The following DLGAP1 variants were observed in gnomAD, a reference collection of about 807,000 sequenced individuals.
DLGAP1 encodes disks large-associated protein 1.
A neutral mutation model predicts 90.8 loss-of-function variants in DLGAP1; 11 were observed. That is an observed-to-expected ratio of 0.12 (90% CI 0.08 to 0.20). The LOEUF (loss-of-function observed/expected upper bound fraction) is 0.20. DLGAP1 is among the 10% of genes least tolerant of loss of function. The pLI is 1.00. For synonymous variants in DLGAP1, 558 were observed against 540.7 expected, an observed-to-expected ratio of 1.03 and a Z score of -0.44; for missense variants, 1,050 against 1,333.8, an observed-to-expected ratio of 0.79 and a Z score of 3.31.
chr18:4,388,267 G>A (rs1017589676), intron 1 of DLGAP1, among the ~76,000 whole-genome samples: 1 of 152,032 alleles, frequency 6.6e-6, no homozygotes, highest in Non-Finnish European at 1.5e-5. Context: ...TGACACTCAA[G>A]TTTCTGATTA....
At chr18:3,741,067 CCACCACCACCACCATCACCAT>C (rs2062931515) in intron 6 of DLGAP1, among the ~76,000 whole-genome samples, 10 of 108,628 alleles carry the variant, frequency 9.2e-5, no homozygotes, top group East Asian at 2.6e-4. Context: ...ATCACCACCA[CCACCACCACCACCATCACCAT>C]CACCACCACC....
chr18:3,758,260 C>T (rs924565096), intron 5 of DLGAP1, among the ~76,000 whole-genome samples: 2 of 152,038 alleles, frequency 1.3e-5, no homozygotes, highest in South Asian at 4.2e-4. Flanking sequence ...CAAACCTGAC[C>T]AATGAAATCT....
At chr18:3,897,330 T>C (rs2071650879) in intron 3 of DLGAP1, among the ~76,000 whole-genome samples, 1 of 152,322 alleles carries the variant, frequency 6.6e-6, no homozygotes, top group African/African-American at 2.4e-5. Context: ...AACCTTGATA[T>C]AGAAGGGAGC....
chr18:4,024,027 G>A (rs960838889), intron 2 of DLGAP1, among the ~76,000 whole-genome samples: 8 of 151,884 alleles, frequency 5.3e-5, no homozygotes, highest in African/African-American at 1.7e-4. Flanking sequence ...ATTGACTTGA[G>A]GTTTCTGGTC....
chr18:4,178,200 TAAAC>T (rs2077145861), intron 1 of DLGAP1, among the ~76,000 whole-genome samples: 1 of 106,836 alleles, frequency 9.4e-6, no homozygotes, highest in Non-Finnish European at 1.8e-5. Context: ...GGTCCTGGAA[TAAAC>T]ACACACACAC....
At chr18:4,228,131 T>G (rs2078230515) in intron 1 of DLGAP1, among the ~76,000 whole-genome samples, 1 of 150,776 alleles carries the variant, frequency 6.6e-6, no homozygotes, top group South Asian at 2.1e-4. Flanking sequence ...CCTAGTGAGA[T>G]GAAGCCTACC....
At chr18:3,703,552 G>C (rs1229050018) in intron 7 of DLGAP1, among the ~76,000 whole-genome samples, 1 of 152,258 alleles carries the variant, frequency 6.6e-6, no homozygotes, top group Admixed American at 6.5e-5. Context: ...GTTCAGAGGA[G>C]AGCGAGTGGC....
chr18:3,927,667 G>C (rs1194456077), intron 3 of DLGAP1, among the ~76,000 whole-genome samples: 1 of 152,186 alleles, frequency 6.6e-6, no homozygotes, highest in African/African-American at 2.4e-5. Flanking sequence ...GTAGAGTAAA[G>C]AAGTCATGTT....
chr18:4,346,639 C>A (rs911685585), intron 1 of DLGAP1, among the ~76,000 whole-genome samples: 1 of 152,170 alleles, frequency 6.6e-6, no homozygotes, highest in Non-Finnish European at 1.5e-5. Context: ...ACTTAAGACA[C>A]ATCTGTCTGA....
At chr18:3,978,334 G>A (rs767392943) in intron 3 of DLGAP1, 26 of 363,978 alleles carry the variant, frequency 7.1e-5, no homozygotes, top group Admixed American at 1.2e-4. Flanking sequence ...ACTCCACAAC[G>A]TACTCAGTGC....
At chr18:3,861,443 G>A (rs1473007126) in intron 4 of DLGAP1, among the ~76,000 whole-genome samples, 1 of 152,168 alleles carries the variant, frequency 6.6e-6, no homozygotes. Flanking sequence ...CTGGGCACAT[G>A]ATAAAGGCTA....
intron 9 of DLGAP1, among the ~76,000 whole-genome samples, chr18:3,563,003 T>G (rs184893467): frequency 2.4e-4 from 36 of 152,096 alleles, no homozygotes; most frequent in African/African-American, 8.4e-4. Flanking sequence ...CTTTTTGTAT[T>G]TTTTGTAGAG....
chr18:3,677,290 G>C (rs1375850337), intron 7 of DLGAP1, among the ~76,000 whole-genome samples: 1 of 152,162 alleles, frequency 6.6e-6, no homozygotes, highest in East Asian at 1.9e-4. Context: ...CACGTCCACT[G>C]AATCTGCCAT....
chr18:4,282,295 C>A lies in DLGAP1; in HGVS notation c.-266-131008G>T, dbSNP rs540524398. On this transcript the variant is annotated intron_variant, in intron 1 of 12. Coordinates refer to ENST00000315677, the MANE Select transcript of DLGAP1 (RefSeq NM_004746.4). ...AGGAGAATGGCATGAACCTGGGAGG[C>A]GGAGCTTGCAGTGAGCCGAGATCGT... 2.2e-4 allele frequency among the ~76,000 whole-genome samples: 33 copies of A among 148,630 alleles called. 2 individuals are homozygous for A. In the South Asian group the frequency reaches 6.8e-3, roughly 31 times the overall value.
At chr18:3,536,529 C>A (rs564759690) in intron 9 of DLGAP1, among the ~76,000 whole-genome samples, 1 of 152,208 alleles carries the variant, frequency 6.6e-6, no homozygotes, top group South Asian at 2.1e-4. Flanking sequence ...CCAGCCCAAA[C>A]TGAGGTTTCA....
chr18:3,978,880 G>A (rs2073660072), intron 3 of DLGAP1, among the ~76,000 whole-genome samples: 1 of 152,184 alleles, frequency 6.6e-6, no homozygotes, highest in African/African-American at 2.4e-5. Flanking sequence ...AACAGTATTA[G>A]TGAGGTTTTA....
At chr18:4,124,780 T>C (rs2076206856) in intron 2 of DLGAP1, among the ~76,000 whole-genome samples, 1 of 152,172 alleles carries the variant, frequency 6.6e-6, no homozygotes, top group Non-Finnish European at 1.5e-5. Context: ...GGGTTCAGAG[T>C]TCATGAGAAT....
intron 7 of DLGAP1, among the ~76,000 whole-genome samples, chr18:3,628,447 C>T (rs1282524643): frequency 6.6e-6 from 1 of 152,124 alleles, no homozygotes; most frequent in Non-Finnish European, 1.5e-5. Flanking sequence ...CTCAGCCTCC[C>T]AGAGTGCTGG....
At chr18:4,161,776 G>T (rs2076849967) in intron 1 of DLGAP1, among the ~76,000 whole-genome samples, 1 of 152,162 alleles carries the variant, frequency 6.6e-6, no homozygotes, top group Non-Finnish European at 1.5e-5. Flanking sequence ...GAAAATGCAT[G>T]CTGCTAATCA....
Sources: allele counts gnomAD v4.1 joint callset (sites outside exome capture counted in the v4.1 genomes callset), GRCh38; gene constraint gnomAD v4.1.1; transcripts MANE v1.5; gene names NCBI Gene and HGNC (gene_info 2026-07-23, HGNC 2026-07-21).